AGXT2: variants seen among roughly 807,000 people sequenced by gnomAD.
The protein encoded by AGXT2 is alanine--glyoxylate aminotransferase 2.
Under a neutral mutation model 62.5 loss-of-function variants are expected in AGXT2, and 61 were observed. The observed-to-expected ratio is 0.98, with a 90% CI of 0.79 to 1.21. AGXT2 has a LOEUF of 1.21. Among genes scored for constraint, AGXT2 ranks in the 50% most tolerant of loss-of-function variants. AGXT2 has a pLI of 0.00. For missense variants in AGXT2, 666 were observed against 641.5 expected (o/e 1.04, Z -0.41); for synonymous variants, 243 against 218.7 (o/e 1.11, Z -0.98).
At chr5:35,033,312 T>C in intron 6 of AGXT2, 148 bp downstream of exon 6, 1 of 697,284 alleles carries the variant, frequency 1.4e-6, no homozygotes, top group South Asian at 1.5e-5. Context: ...TGTCCTCAAG[T>C]GGTCTCCAAT....
At position 35,009,503 on chromosome 5, in the gene AGXT2, C is replaced by G. The variant is rs546182863; in HGVS notation, c.1338+497G>C. Among the ~76,000 whole-genome samples the G allele has an allele frequency of 1.6e-3, 242 of 151,986 alleles. 2 individuals carry two copies. Among genetic ancestry groups the G allele is most frequent in the African/African-American group, 5.6e-3 (232 of 41,418 alleles). On this transcript the variant is annotated intron_variant, in intron 12 of 13. Coordinates refer to ENST00000231420, the MANE Select transcript of AGXT2 (RefSeq NM_031900.4). The stretch of plus-strand genomic sequence containing the variant: ...CCCAGCTACCCGGGAGGCTGAGGCT[C>G]GAGAATAGCTTGAACCTGTAAGGTG...
chr5:35,033,802 G>A (rs1767668538), intron 5 of AGXT2, among the ~76,000 whole-genome samples: 1 of 152,098 alleles, frequency 6.6e-6, no homozygotes, highest in African/African-American at 2.4e-5. Context: ...TCCAATCTTA[G>A]GACCTTCCCT....
At chr5:35,022,664 G>C (rs1767156298) in intron 9 of AGXT2, among the ~76,000 whole-genome samples, 1 of 149,302 alleles carries the variant, frequency 6.7e-6, no homozygotes, top group South Asian at 2.1e-4. Context: ...CATGGCACAT[G>C]TATACATATG....
At chr5:35,008,751 T>C (rs1766519884) in intron 12 of AGXT2, among the ~76,000 whole-genome samples, 1 of 152,214 alleles carries the variant, frequency 6.6e-6, no homozygotes, top group Non-Finnish European at 1.5e-5. Context: ...ATACCATGTC[T>C]GGTCTAAAAA....
rs1767699711 is a variant in AGXT2 at position 35,034,672 on chromosome 5, T to C, written c.581+550A>G. ...AGTGCTAATGTAGCCATTAAGGGTT[T>C]ATTAATGAATCTATTATCAGTGCTC... On this transcript the variant is annotated intron_variant, in intron 5 of 13. Transcript: ENST00000231420. Among the ~76,000 whole-genome samples the C allele has an allele frequency of 2.6e-5, 4 of 152,360 alleles. No homozygotes were observed. In the South Asian group the frequency reaches 8.3e-4, roughly 32 times the overall value.
intron 13 of AGXT2, 48 bp downstream of exon 13, chr5:35,003,713 CAG>C (rs1311771502): frequency 6.6e-7 from 1 of 1,525,172 alleles, no homozygotes. Context: ...ATTAGGAAAT[CAG>C]AGAGACTCCT....
At chr5:35,020,030 T>C (rs1767006678) in intron 9 of AGXT2, among the ~76,000 whole-genome samples, 1 of 152,126 alleles carries the variant, frequency 6.6e-6, no homozygotes, top group Admixed American at 6.6e-5. Flanking sequence ...CAGGAAGAAA[T>C]TGAATCTCTG....
At chr5:35,034,427 A>G (rs1214423759) in intron 5 of AGXT2, among the ~76,000 whole-genome samples, 1 of 152,190 alleles carries the variant, frequency 6.6e-6, no homozygotes, top group Non-Finnish European at 1.5e-5. Flanking sequence ...TGCAGTATTG[A>G]ATGTGCTGTC....
intron 11 of AGXT2, among the ~76,000 whole-genome samples, chr5:35,010,476 G>A (rs1015378155): frequency 5.3e-5 from 8 of 151,938 alleles, no homozygotes; most frequent in African/African-American, 1.9e-4. Flanking sequence ...TCAGGAGTTC[G>A]GGACCAGCCT....
chr5:35,026,594 G>C, intron 7 of AGXT2, 84 bp from the exon 8 acceptor site: 46 of 902,780 alleles, frequency 5.1e-5, no homozygotes, highest in Non-Finnish European at 2.6e-5. Context: ...GGAAAAACAG[G>C]AAAAAAAAAA....
At chr5:35,029,974 A>G (rs1238673348) in intron 7 of AGXT2, among the ~76,000 whole-genome samples, 2 of 152,222 alleles carry the variant, frequency 1.3e-5, no homozygotes, top group African/African-American at 2.4e-5. Flanking sequence ...TGGTGCCTCA[A>G]TTCCTCTTAA....
intron 9 of AGXT2, among the ~76,000 whole-genome samples, chr5:35,024,170 G>A (rs973612995): frequency 2.0e-5 from 3 of 152,156 alleles, no homozygotes; most frequent in African/African-American, 7.2e-5. Context: ...TGGGATGACA[G>A]ATGTGAGCCA....
intron 7 of AGXT2, 59 bp from the exon 8 acceptor site, chr5:35,026,569 TA>T: frequency 1.4e-6 from 2 of 1,451,142 alleles, no homozygotes; most frequent in Middle Eastern, 3.5e-4. Context: ...GTGAGCCTGA[TA>T]TTTAGAAACA....
rs1766113358 is a variant in AGXT2, at chr5:34,998,582, C to G, written c.*137G>C. On this transcript the variant is annotated 3_prime_UTR_variant, in exon 14 of 14. Coordinates refer to ENST00000231420, the MANE Select transcript of AGXT2 (RefSeq NM_031900.4). The stretch of plus-strand genomic sequence containing the variant: ...CTAACAAATATGGTTGGTAGGCAGT[C>G]AACCATGACTTTTACAGCTCCTGTG... The G allele has an allele frequency of 1.4e-6, 1 of 711,218 alleles. No homozygotes were observed. The highest frequency in any genetic ancestry group is 1.6e-5 in the South Asian group (1 of 60,740). 44.1% of individuals were successfully genotyped at this position (711,218 alleles called of 1,614,324 possible).
At chr5:35,039,087 C>T (rs1767885211) in intron 3 of AGXT2, among the ~76,000 whole-genome samples, 1 of 152,166 alleles carries the variant, frequency 6.6e-6, no homozygotes, top group African/African-American at 2.4e-5. Flanking sequence ...ACTCCAGTCA[C>T]ATGGTACATG....
In AGXT2 at chr5:35,026,511, C is replaced by G; in HGVS notation, c.770-1G>C. 1 of 1,611,706 alleles carries G rather than the reference C, an allele frequency of 6.2e-7. No individual in the cohort carries two copies. Among genetic ancestry groups the G allele is most frequent in the South Asian group, 1.1e-5 (1 of 91,034 alleles). The stretch of plus-strand genomic sequence containing the variant: ...TACTGATCTTTAGCTTGGCAGCAGT[C>G]TGCAAAAAGCAAACAACAAAACAAA... On this transcript the variant is annotated splice_acceptor_variant, in intron 7 of 13. Transcript: ENST00000231420. LOFTEE classifies it high-confidence loss of function.
chr5:35,026,425 G>A lies in AGXT2; in HGVS notation c.855C>T (p.Phe285=), dbSNP rs533299831. The change falls in exon 8 of 14, where the codon TTC becomes TTT. Residue 285 remains phenylalanine (F), a synonymous_variant. Coordinates refer to ENST00000231420, the MANE Select transcript of AGXT2 (RefSeq NM_031900.4). ...TSVAKSIAGF[F]AEPIQGVNGV... is the part of the protein sequence containing the mutation. ...ATATACCCACTTGAATAGGTTCTGC[G>A]AAAAATCCAGCAATTGACTTGGCCA... 8.4e-5 allele frequency: 136 copies of A among 1,613,810 alleles called. No homozygotes were observed. Among genetic ancestry groups the A allele is most frequent in the East Asian group, 2.5e-4 (11 of 44,878 alleles).
chr5:35,003,638 C>T (rs923640628), intron 13 of AGXT2, 125 bp downstream of exon 13: 3 of 935,108 alleles, frequency 3.2e-6, no homozygotes, highest in Non-Finnish European at 3.5e-6. Context: ...TACCTCGGCA[C>T]AGTTGTGTAA....
intron 8 of AGXT2, 51 bp downstream of exon 8, chr5:35,026,359 T>C (rs1444015594): frequency 6.9e-7 from 1 of 1,455,428 alleles, no homozygotes; most frequent in South Asian, 1.1e-5. Context: ...GTTAAAACTT[T>C]CTGATAATTG....
Sources: allele counts gnomAD v4.1 joint callset (sites outside exome capture counted in the v4.1 genomes callset), GRCh38; gene constraint gnomAD v4.1.1; transcripts MANE v1.5; gene names NCBI Gene and HGNC (gene_info 2026-07-23, HGNC 2026-07-21).